The following FLOT2 variants were observed in gnomAD, a reference collection of about 807,000 sequenced individuals.
The protein encoded by FLOT2 is flotillin 2, also known as flotillin-2.
Under a neutral mutation model 54.9 loss-of-function variants are expected in FLOT2, and 35 were observed. That is an observed-to-expected ratio of 0.64 (90% CI 0.49 to 0.84). The LOEUF is 0.84. Ranked by LOEUF, FLOT2 falls within the 40% of genes least tolerant of loss-of-function variation. FLOT2 has a pLI of 0.00. For synonymous variants in FLOT2, 207 were observed against 228.9 expected (o/e 0.90, Z 0.86); for missense variants, 464 against 572.1 (o/e 0.81, Z 1.93).
Position 28,888,802 on chromosome 17 carries a change from C to A in FLOT2, c.131+143G>T, listed in dbSNP as rs1036704407. 9.5e-5 allele frequency: 48 copies of A among 503,210 alleles called. 2 individuals are homozygous for A. The highest frequency in any genetic ancestry group is 7.9e-4 in the South Asian group (43 of 54,270). 31.2% of individuals were successfully genotyped at this position (503,210 alleles called of 1,614,324 possible). Reference sequence around the variant, plus strand: ...TTACATGCTTCTTAGGAAGTCCCCCCCAACCCCACCCCTCCACCGCCAGAA... The same window carrying A: ...TTACATGCTTCTTAGGAAGTCCCCCACAACCCCACCCCTCCACCGCCAGAA... On this transcript the variant is annotated intron_variant, in intron 2 of 10. Transcript: ENST00000394908.
intron 2 of FLOT2, 47 bp downstream of exon 2, chr17:28,888,898 C>A: frequency 1.4e-6 from 2 of 1,455,238 alleles, no homozygotes; most frequent in East Asian, 2.4e-5. Flanking sequence ...AAGCCCCTCT[C>A]TCCCTGGCCC....
In FLOT2 at chr17:28,897,635, G is replaced by GTGCGGTC; in HGVS notation, c.-62_-61insGACCGCA. 2.9e-6 allele frequency: 4 copies of GTGCGGTC among 1,387,144 alleles called. No individual in the cohort carries two copies. Among genetic ancestry groups the GTGCGGTC allele is most frequent in the Non-Finnish European group, 3.8e-6 (4 of 1,053,142 alleles). The allele number at this position is 1,387,144 out of a possible 1,614,324, so 85.9% of individuals were successfully genotyped here. A position where few individuals can be genotyped will look rare whatever the true frequency, so the allele number is the denominator to read the frequency against. On this transcript the variant is annotated 5_prime_UTR_variant, in exon 1 of 11. Coordinates refer to ENST00000394908, the MANE Select transcript of FLOT2 (RefSeq NM_004475.3). The surrounding 1 kb of genome is among the most constrained non-coding windows in gnomAD (Gnocchi z 4.4). The stretch of plus-strand genomic sequence containing the variant: ...AGACCCGGACAACAGCAGCGGGTCT[G>GTGCGGTC]CAGCGCCGGCCGCGCCCAGCCTATC...
At chr17:28,892,285 A>G (rs1324222759) in intron 1 of FLOT2, among the ~76,000 whole-genome samples, 4 of 101,514 alleles carry the variant, frequency 3.9e-5, no homozygotes, top group Non-Finnish European at 5.7e-5. Flanking sequence ...CTCAATGTGC[A>G]GTGGGAAGGT....
rs1277051733 is a variant in FLOT2, at chr17:28,882,969, A to G, written c.346+139T>C. On this transcript the variant is annotated intron_variant, in intron 4 of 10. Coordinates refer to ENST00000394908, the MANE Select transcript of FLOT2 (RefSeq NM_004475.3). This position sits in a 1 kb window ranked among gnomAD's most constrained non-coding sequence, Gnocchi z 5.6. ...CCTCTCCTTAACTCAAGTCACCTGA[A>G]GTTTTGAAATTAAATATTTGAGGAA... is the stretch of plus-strand genomic sequence containing the variant. 6.3e-5 allele frequency: 58 copies of G among 921,280 alleles called. No individual in the cohort carries two copies. The East Asian group carries it at 1.5e-3, about 24-fold the overall frequency. 57.1% of individuals were successfully genotyped at this position (921,280 alleles called of 1,614,324 possible).
chr17:28,886,406 C>T (rs1393593482), intron 2 of FLOT2, among the ~76,000 whole-genome samples: 4 of 152,218 alleles, frequency 2.6e-5, no homozygotes, highest in Admixed American at 6.5e-5. Flanking sequence ...GACTCCTGAG[C>T]TTTAGCAAAT....
intron 1 of FLOT2, among the ~76,000 whole-genome samples, chr17:28,890,212 A>T (rs2039623149): frequency 6.6e-6 from 1 of 152,190 alleles, no homozygotes; most frequent in African/African-American, 2.4e-5. Flanking sequence ...AACAAAGGCT[A>T]ACTTGTGGTA....
chr17:28,893,960 G>A (rs1159747839), intron 1 of FLOT2, among the ~76,000 whole-genome samples: 1 of 152,230 alleles, frequency 6.6e-6, no homozygotes, highest in African/African-American at 2.4e-5. Context: ...CACTCGAGGA[G>A]CTCGGATTTT....
At position 28,882,269 on chromosome 17, in the gene FLOT2, A is replaced by C. The variant is rs764835661; in HGVS notation, c.580-32T>G. 3.1e-6 allele frequency: 5 copies of C among 1,614,058 alleles called. No individual in the cohort carries two copies. The highest frequency in any genetic ancestry group is 4.2e-6 in the Non-Finnish European group (5 of 1,179,992). On this transcript the variant is annotated intron_variant, in intron 6 of 10. Transcript: ENST00000394908. The surrounding 1 kb of genome is among the most constrained non-coding windows in gnomAD (Gnocchi z 5.6). The stretch of plus-strand genomic sequence containing the variant: ...ACAAAAGGGGCAGAAGGGGAAGGTG[A>C]GTGAGTAGAGGTCCTGAGTCATCAT...
chr17:28,885,280 G>C (rs1169271840), intron 2 of FLOT2, among the ~76,000 whole-genome samples: 1 of 152,206 alleles, frequency 6.6e-6, no homozygotes, highest in African/African-American at 2.4e-5. Context: ...AGAAGGGAGT[G>C]GTGGTGTAGT....
chr17:28,888,524 G>A (rs913730334), intron 2 of FLOT2, among the ~76,000 whole-genome samples: 7 of 152,160 alleles, frequency 4.6e-5, no homozygotes, highest in African/African-American at 1.7e-4. Context: ...GCCTGCATGG[G>A]TAAGGGTGTG....
At chr17:28,894,878 C>T (rs1410534794) in intron 1 of FLOT2, among the ~76,000 whole-genome samples, 3 of 149,514 alleles carry the variant, frequency 2.0e-5, no homozygotes, top group African/African-American at 7.3e-5. Context: ...CCAGCAATGC[C>T]TAAGGACCCC....
chr17:28,884,202 G>A lies in FLOT2; in HGVS notation c.222+23C>T, dbSNP rs374933132. 10 of 1,564,482 alleles carry A rather than the reference G, an allele frequency of 6.4e-6. No homozygotes were observed. The highest frequency in any genetic ancestry group is 5.5e-5 in the South Asian group (5 of 90,130). ...GGACCAGGCAGCTCAACGGACATGC[G>A]CAGGGCTGCTGAGTTACTATACCTG... On this transcript the variant is annotated intron_variant, in intron 3 of 10. Coordinates refer to ENST00000394908, the MANE Select transcript of FLOT2 (RefSeq NM_004475.3). This position sits in a 1 kb window ranked among gnomAD's most constrained non-coding sequence, Gnocchi z 5.1.
At position 28,897,567 on chromosome 17, in the gene FLOT2, T is replaced by C. The variant is rs199799580; in HGVS notation, c.8A>G (p.Asn3Ser). The C allele has an allele frequency of 1.1e-4, 174 of 1,601,748 alleles. 1 individual carries two copies. Among genetic ancestry groups the C allele is most frequent in the Middle Eastern group, 5.0e-4 (3 of 5,976 alleles). MG[N>S]CHTVGPNEAL... is the part of the protein sequence containing the mutation. ...CTCGTTGGGCCCCACCGTGTGGCAATTGCCCATGGCGCCGGCGGCACGGAG... is the reference window on the plus strand; with the variant it reads ...CTCGTTGGGCCCCACCGTGTGGCAACTGCCCATGGCGCCGGCGGCACGGAG... The change falls in exon 1 of 11, where the codon AAT becomes AGT. Residue 3 changes from asparagine (N) to serine (S), a missense_variant. Asn to Ser is a conservative substitution (Grantham distance 46). Coordinates refer to ENST00000394908, the MANE Select transcript of FLOT2 (RefSeq NM_004475.3). The surrounding 1 kb of genome is among the most constrained non-coding windows in gnomAD (Gnocchi z 4.4).
At position 28,884,182 on chromosome 17, in the gene FLOT2, A is replaced by G. The variant is rs1051293689; in HGVS notation, c.222+43T>C. On this transcript the variant is annotated intron_variant, in intron 3 of 10. Transcript: ENST00000394908. This position sits in a 1 kb window ranked among gnomAD's most constrained non-coding sequence, Gnocchi z 5.1. ...TCCCCCCGAACCCGAGTACGGGACC[A>G]GGCAGCTCAACGGACATGCGCAGGG... 4.3e-6 allele frequency: 6 copies of G among 1,411,762 alleles called. No homozygotes were observed. Among genetic ancestry groups the G allele is most frequent in the African/African-American group, 1.4e-5 (1 of 70,928 alleles). 87.5% of individuals were successfully genotyped at this position (1,411,762 alleles called of 1,614,324 possible).
chr17:28,881,499 CGGAGTG>C (rs1168313305), intron 8 of FLOT2, 124 bp from the exon 9 acceptor site: 3 of 1,047,066 alleles, frequency 2.9e-6, no homozygotes, highest in Admixed American at 2.2e-5. Flanking sequence ...GACATTGGAA[CGGAGTG>C]GGGTGGCCTG....
Position 28,883,058 on chromosome 17 carries a change from C to T in FLOT2, c.346+50G>A. On this transcript the variant is annotated intron_variant, in intron 4 of 10. Transcript: ENST00000394908. The surrounding 1 kb of genome is among the most constrained non-coding windows in gnomAD (Gnocchi z 5.0). ...TGCCCAGCCCTGCACACCTCCCTGC[C>T]TTGGCTTAGGGGCCCCGTGAGGCTC... The T allele has an allele frequency of 6.2e-7, 1 of 1,604,032 alleles. No homozygotes were observed. Among genetic ancestry groups the T allele is most frequent in the Non-Finnish European group, 8.5e-7 (1 of 1,172,310 alleles).
chr17:28,889,217 T>C (rs541744449), intron 1 of FLOT2, among the ~76,000 whole-genome samples, 191 bp from the exon 2 acceptor site: 11 of 152,338 alleles, frequency 7.2e-5, no homozygotes, highest in African/African-American at 2.2e-4. Flanking sequence ...AAAGTCTAGA[T>C]TGGTAGACAG....
chr17:28,880,893 T>C lies in FLOT2; in HGVS notation c.1099-31A>G, dbSNP rs764194371. 7.4e-6 allele frequency: 12 copies of C among 1,613,074 alleles called. No homozygotes were observed. The Admixed American group carries it at 1.2e-4, about 16-fold the overall frequency. On this transcript the variant is annotated intron_variant, in intron 9 of 10. Coordinates refer to ENST00000394908, the MANE Select transcript of FLOT2 (RefSeq NM_004475.3). ...AGGTAAGAGTGGGAGGACAGCCTGG[T>C]TGGCGCTGACTCTGTTCTCAGCCCG...
chr17:28,897,528 G>A lies in FLOT2; in HGVS notation c.47C>T (p.Ser16Leu). 1.2e-6 allele frequency: 2 copies of A among 1,606,158 alleles called. No homozygotes were observed. Among genetic ancestry groups the A allele is most frequent in the Non-Finnish European group, 1.7e-6 (2 of 1,176,638 alleles). ...TVGPNEALVVSGGCCGSDYKQ... is the reference protein window; with the variant it reads ...TVGPNEALVVLGGCCGSDYKQ... ...CACCTTCCTCGCCGCCCCCTCACCT[G>A]AAACCACCAGCGCCTCGTTGGGCCC... Residue 16 changes from serine to leucine, a missense_variant and splice_region_variant, in exon 1 of 11, where the codon TCA becomes TTA. Coordinates refer to ENST00000394908, the MANE Select transcript of FLOT2 (RefSeq NM_004475.3). This position sits in a 1 kb window ranked among gnomAD's most constrained non-coding sequence, Gnocchi z 4.4.
Sources: gnomAD v4.1 joint callset for allele counts (sites outside exome capture counted in the v4.1 genomes callset) on GRCh38, gnomAD v4.1.1 for gene constraint, Gnocchi (gnomAD v3.1) non-coding constraint, MANE v1.5 for transcripts, NCBI Gene and HGNC (gene_info 2026-07-23, HGNC 2026-07-21) for gene names.